Variants in RGS8 observed in about 807,000 individuals in gnomAD.
RGS8 encodes regulator of G-protein signaling 8.
In RGS8, 8 loss-of-function variants were observed where a neutral mutation model predicts 21.7. That is an observed-to-expected ratio of 0.37 (90% CI 0.22 to 0.66). RGS8 has a LOEUF of 0.66. RGS8 is among the 30% of genes least tolerant of loss of function. The pLI, the probability that RGS8 is intolerant of heterozygous loss-of-function variation, is 0.59. For missense variants in RGS8, 157 were observed against 217.9 expected, an observed-to-expected ratio of 0.72 and a Z score of 1.76; for synonymous variants, 80 against 83.6, an observed-to-expected ratio of 0.96 and a Z score of 0.24.
chr1:182,752,337 G>C, the RGS8 span, among the ~76,000 whole-genome samples: 1 of 152,316 alleles, frequency 6.6e-6, no homozygotes, highest in South Asian at 2.1e-4. Context: ...CCACAGACGA[G>C]ACACAGGTGG....
At chr1:182,657,562 C>T (rs1043363186) in intron 5 of RGS8, among the ~76,000 whole-genome samples, 1 of 152,036 alleles carries the variant, frequency 6.6e-6, no homozygotes, top group African/African-American at 2.4e-5. Flanking sequence ...TTTCCCCCAA[C>T]AGATCTCAGG....
chr1:182,670,716 T>G (rs1249801461), intron 2 of RGS8, among the ~76,000 whole-genome samples: 2 of 152,198 alleles, frequency 1.3e-5, no homozygotes, highest in African/African-American at 4.8e-5. Flanking sequence ...AAAAATAGCT[T>G]CTTTAATAAT....
intron 2 of RGS8, among the ~76,000 whole-genome samples, chr1:182,670,591 A>G (rs546160247): frequency 6.6e-6 from 1 of 152,232 alleles, no homozygotes; most frequent in Non-Finnish European, 1.5e-5. Flanking sequence ...GGACTCTGAC[A>G]TCAAACATAG....
chr1:182,677,214 T>C (rs1664393743), upstream of RGS8, among the ~76,000 whole-genome samples: 1 of 152,236 alleles, frequency 6.6e-6, no homozygotes, highest in Admixed American at 6.5e-5. Context: ...CTACTCGCCC[T>C]GTCTGAGTAT....
chr1:182,696,830 C>T, the RGS8 span, among the ~76,000 whole-genome samples: 1 of 152,158 alleles, frequency 6.6e-6, no homozygotes, highest in African/African-American at 2.4e-5. Context: ...CTTGGTTGAT[C>T]TTTGCTGGGC....
the RGS8 span, among the ~76,000 whole-genome samples, chr1:182,692,946 AC>A: frequency 6.6e-6 from 1 of 152,174 alleles, no homozygotes; most frequent in Admixed American, 6.5e-5. Context: ...TTGAAACCAG[AC>A]CCCTTTCTTA....
chr1:182,647,748 A>T (rs1342759491), intron 6 of RGS8, among the ~76,000 whole-genome samples: 1 of 152,232 alleles, frequency 6.6e-6, no homozygotes. Context: ...TAACTTGACC[A>T]AGATCTCATA....
chr1:182,681,538 C>T (rs1243774385), intron 1 of RGS8, among the ~76,000 whole-genome samples: 4 of 152,218 alleles, frequency 2.6e-5, no homozygotes, highest in Admixed American at 6.5e-5. Flanking sequence ...GGAGAATCCA[C>T]AGCCATCAGA....
At chr1:182,710,700 G>A in the RGS8 span, among the ~76,000 whole-genome samples, 1 of 152,182 alleles carries the variant, frequency 6.6e-6, no homozygotes, top group Non-Finnish European at 1.5e-5. Context: ...TACCACAAGA[G>A]GAGGAGGGAT....
upstream of RGS8, among the ~76,000 whole-genome samples, chr1:182,687,837 GA>G (rs1437463721): frequency 6.6e-6 from 1 of 152,218 alleles, no homozygotes; most frequent in African/African-American, 2.4e-5. Context: ...AACCAATACA[GA>G]AAATACAGAA....
At chr1:182,701,684 C>A in the RGS8 span, among the ~76,000 whole-genome samples, 1 of 152,136 alleles carries the variant, frequency 6.6e-6, no homozygotes, top group Non-Finnish European at 1.5e-5. Flanking sequence ...GAAGCAGGAC[C>A]CCCAGCTAAG....
upstream of RGS8, among the ~76,000 whole-genome samples, chr1:182,689,402 C>T (rs1343069262): frequency 1.3e-5 from 2 of 152,128 alleles, no homozygotes; most frequent in East Asian, 3.9e-4. Flanking sequence ...AGCTTTATCT[C>T]TCTGATTGAT....
chr1:182,678,001 T>C (rs1664423129), intron 1 of RGS8, among the ~76,000 whole-genome samples: 2 of 152,356 alleles, frequency 1.3e-5, no homozygotes, highest in South Asian at 2.1e-4. Flanking sequence ...TGAATCCTGA[T>C]TCAAATGTAA....
At chr1:182,693,059 T>C in the RGS8 span, among the ~76,000 whole-genome samples, 2 of 152,246 alleles carry the variant, frequency 1.3e-5, no homozygotes, top group Non-Finnish European at 2.9e-5. Context: ...ATTCTGGGCA[T>C]TGGCCAAGGC....
chr1:182,720,914 TATATAC>T, the RGS8 span, among the ~76,000 whole-genome samples: 7,044 of 46,070 alleles, frequency 0.15, 530 homozygotes, highest in African/African-American at 0.27. Flanking sequence ...TATGTGTGTG[TATATAC>T]ATATATACAT....
At chr1:182,715,018 C>T in the RGS8 span, among the ~76,000 whole-genome samples, 4 of 152,176 alleles carry the variant, frequency 2.6e-5, no homozygotes, top group South Asian at 2.1e-4. Context: ...ATTTTCAATG[C>T]GCCATAATCT....
chr1:182,665,672 C>T (rs992216647), intron 5 of RGS8, among the ~76,000 whole-genome samples: 5 of 152,146 alleles, frequency 3.3e-5, no homozygotes, highest in Non-Finnish European at 7.4e-5. Flanking sequence ...CCAAGTGAGC[C>T]CAACATTCCA....
chr1:182,719,073 C>T, the RGS8 span, among the ~76,000 whole-genome samples: 1 of 152,162 alleles, frequency 6.6e-6, no homozygotes, highest in Non-Finnish European at 1.5e-5. Context: ...CCCATGTTTC[C>T]CCGGTTTCTT....
At chr1:182,670,017 A>T (rs1664078532) in intron 2 of RGS8, among the ~76,000 whole-genome samples, 1 of 152,244 alleles carries the variant, frequency 6.6e-6, no homozygotes, top group African/African-American at 2.4e-5. Flanking sequence ...CGTGTGCCTC[A>T]GGGGAGGCGT....
Sources: allele counts gnomAD v4.1 joint callset (sites outside exome capture counted in the v4.1 genomes callset), GRCh38; gene constraint gnomAD v4.1.1; transcripts MANE v1.5; gene names NCBI Gene and HGNC (gene_info 2026-07-23, HGNC 2026-07-21).